MED15: variants seen among roughly 807,000 people sequenced by gnomAD.
MED15 encodes mediator complex subunit 15, also known as mediator of RNA polymerase II transcription subunit 15.
In MED15, 41 loss-of-function variants were observed where a neutral mutation model predicts 118.7. The observed-to-expected ratio is 0.35, with a 90% CI of 0.27 to 0.45. The LOEUF (loss-of-function observed/expected upper bound fraction) is 0.45, where lower values mean the gene tolerates loss of function less well. MED15 is among the 20% of genes least tolerant of loss of function. MED15 has a pLI of 1.00. For missense variants in MED15, 740 were observed against 1,025.5 expected (o/e 0.72, Z 3.80); for synonymous variants, 436 against 413.9 (o/e 1.05, Z -0.65).
intron 2 of MED15, among the ~76,000 whole-genome samples, chr22:20,538,442 G>A (rs1371935952): frequency 6.6e-6 from 1 of 151,992 alleles, no homozygotes; most frequent in Non-Finnish European, 1.5e-5. Context: ...TGGAGACGAG[G>A]TCCCACTATG....
At chr22:20,556,302 G>GT (rs361842) in intron 5 of MED15, among the ~76,000 whole-genome samples, 9,542 of 140,008 alleles carry the variant, frequency 0.068, 620 homozygotes, top group East Asian at 0.37. Flanking sequence ...GACTTCATCA[G>GT]TTTTTTTTTT....
intron 5 of MED15, among the ~76,000 whole-genome samples, chr22:20,556,393 C>G (rs2056008078): frequency 6.6e-6 from 1 of 151,368 alleles, no homozygotes; most frequent in Admixed American, 6.6e-5. Flanking sequence ...CTTCTGCCTT[C>G]CGAGTTCAAG....
Position 20,564,569 on chromosome 22 carries a change from G to C in MED15, c.571G>C (p.Ala191Pro). 1 of 1,606,768 alleles carries C rather than the reference G, an allele frequency of 6.2e-7. No individual in the cohort carries two copies. The highest frequency in any genetic ancestry group is 8.5e-7 in the Non-Finnish European group (1 of 1,174,866). ...QQQQQQQQFQ[A>P]QQSAMQQQFQ... The stretch of plus-strand genomic sequence containing the variant: ...GCAGCAGCAACAGCAGCAGTTCCAG[G>C]CTCAGCAGAGTGCCATGCAGCAGCA... Residue 191 changes from alanine (A) to proline (P), a missense_variant, in exon 6 of 18, where the codon GCT becomes CCT. Coordinates refer to ENST00000263205, the MANE Select transcript of MED15 (RefSeq NM_001003891.3).
chr22:20,525,062 G>A (rs187808120), intron 1 of MED15, among the ~76,000 whole-genome samples: 1 of 152,260 alleles, frequency 6.6e-6, no homozygotes, highest in Non-Finnish European at 1.5e-5. Flanking sequence ...CACTTTGGGA[G>A]GCCAAGGTGG....
chr22:20,566,365 A>G, intron 6 of MED15, 102 bp from the exon 7 acceptor site: 1 of 1,556,452 alleles, frequency 6.4e-7, no homozygotes, highest in Non-Finnish European at 8.7e-7. Flanking sequence ...ATGGCTCTGC[A>G]GATGGCCACC....
intron 4 of MED15, chr22:20,554,197 T>G (rs2055897276): frequency 6.6e-6 from 1 of 152,322 alleles, no homozygotes; most frequent in South Asian, 2.1e-4. Context: ...TCTGGGCCCC[T>G]TGGCATTGGA....
chr22:20,520,192 G>C (rs534635187), intron 1 of MED15, among the ~76,000 whole-genome samples: 2 of 152,316 alleles, frequency 1.3e-5, no homozygotes, highest in African/African-American at 4.8e-5. Context: ...ATGTTGGTGG[G>C]CTCTGGGGGC....
chr22:20,509,603 G>T (rs2053994978), intron 1 of MED15, among the ~76,000 whole-genome samples: 1 of 152,018 alleles, frequency 6.6e-6, no homozygotes, highest in African/African-American at 2.4e-5. Flanking sequence ...GTGGGGTGAA[G>T]CATTGTGGAA....
rs2057161438 is a variant in MED15, at chr22:20,587,236, G to A, written c.*532G>A. ...GGGCACAGGCTGCCTTTTGGAGGGAGGGCTGGCCCATAGGTGCTGCTGGCT... is the reference window on the plus strand; with the variant it reads ...GGGCACAGGCTGCCTTTTGGAGGGAAGGCTGGCCCATAGGTGCTGCTGGCT... On this transcript the variant is annotated 3_prime_UTR_variant, in exon 18 of 18. Coordinates refer to ENST00000263205, the MANE Select transcript of MED15 (RefSeq NM_001003891.3). 1.3e-5 allele frequency: 2 copies of A among 158,824 alleles called. No individual in the cohort carries two copies. The highest frequency in any genetic ancestry group is 3.7e-4 in the South Asian group (2 of 5,346). The allele number at this position is 158,824 out of a possible 1,614,324, so 9.8% of individuals were successfully genotyped here.
chr22:20,530,441 CTG>C (rs1343422356), intron 1 of MED15, among the ~76,000 whole-genome samples: 1 of 152,176 alleles, frequency 6.6e-6, no homozygotes, highest in African/African-American at 2.4e-5. Context: ...GAGGGTGAAT[CTG>C]TGCCCCAGGG....
intron 5 of MED15, among the ~76,000 whole-genome samples, 154 bp downstream of exon 5, chr22:20,555,302 A>G (rs2055952157): frequency 6.6e-6 from 1 of 152,196 alleles, no homozygotes; most frequent in Non-Finnish European, 1.5e-5. Flanking sequence ...TGTGGAGAGA[A>G]AAGGCTTCCA....
intron 4 of MED15, 31 bp from the exon 5 acceptor site, chr22:20,554,905 C>A: frequency 6.4e-7 from 1 of 1,569,136 alleles, no homozygotes; most frequent in Non-Finnish European, 8.6e-7. Flanking sequence ...TAGGCCCTTT[C>A]CTGAGAAGCT....
At position 20,565,085 on chromosome 22, in the gene MED15, G is replaced by A. The variant is rs184789954; in HGVS notation, c.690+397G>A. ...GGTTGCAGTGAGCCGAGATCGCGCC[G>A]CTGCGCTCCAGCCTGGGCAGCAGTG... On this transcript the variant is annotated intron_variant, in intron 6 of 17. Transcript: ENST00000263205. Among the ~76,000 whole-genome samples the A allele has an allele frequency of 2.8e-4, 42 of 152,238 alleles. No homozygotes were observed. In the East Asian group the frequency reaches 5.4e-3, roughly 20 times the overall value.
intron 1 of MED15, among the ~76,000 whole-genome samples, chr22:20,519,424 T>C (rs1030429693): frequency 2.0e-5 from 3 of 150,760 alleles, no homozygotes; most frequent in Admixed American, 2.0e-4. Flanking sequence ...CCATGTCTCC[T>C]TATTTTGAGG....
rs2057162167 is a variant in MED15, at chr22:20,587,262, C to T, written c.*558C>T. 1 of 157,046 alleles carries T rather than the reference C, an allele frequency of 6.4e-6. No individual in the cohort carries two copies. The highest frequency in any genetic ancestry group is 1.4e-5 in the Non-Finnish European group (1 of 70,832). 9.7% of individuals were successfully genotyped at this position (157,046 alleles called of 1,614,324 possible). Reference sequence around the variant, plus strand: ...GGCTGGCCCATAGGTGCTGCTGGCTCCCCGCCACCAGCTGGGCCTCAGCCC... The same window carrying T: ...GGCTGGCCCATAGGTGCTGCTGGCTTCCCGCCACCAGCTGGGCCTCAGCCC... On this transcript the variant is annotated 3_prime_UTR_variant, in exon 18 of 18. Coordinates refer to ENST00000263205, the MANE Select transcript of MED15 (RefSeq NM_001003891.3).
chr22:20,523,581 C>A, intron 1 of MED15: 1 of 898,228 alleles, frequency 1.1e-6, no homozygotes, highest in Non-Finnish European at 1.3e-6. Context: ...CTTCCCCACC[C>A]CCACCAAATA....
chr22:20,582,466 G>C (rs2146673141), intron 9 of MED15, 145 bp from the exon 10 acceptor site: 1 of 1,296,822 alleles, frequency 7.7e-7, no homozygotes, highest in East Asian at 2.6e-5. Context: ...GTGCCTGTGT[G>C]TATGTCCAGG....
chr22:20,555,249 T>C, intron 5 of MED15, 101 bp downstream of exon 5: 2 of 1,217,370 alleles, frequency 1.6e-6, no homozygotes, highest in Non-Finnish European at 2.2e-6. Context: ...ATGGAGAAGC[T>C]CCAAATCGCT....
Position 20,564,580 on chromosome 22 carries a change from T to C in MED15, c.582T>C (p.Ser194=). The C allele has an allele frequency of 1.2e-6, 2 of 1,607,182 alleles. No homozygotes were observed. The highest frequency in any genetic ancestry group is 2.2e-5 in the East Asian group (1 of 44,696). Residue 194 remains serine (S), a synonymous_variant, in exon 6 of 18, where the codon AGT becomes AGC. Transcript: ENST00000263205. ...QQQQQFQAQQ[S]AMQQQFQAVV... ...AGCAGCAGTTCCAGGCTCAGCAGAG[T>C]GCCATGCAGCAGCAGTTCCAAGCAG... is the stretch of plus-strand genomic sequence containing the variant.
Sources: gnomAD v4.1 joint callset for allele counts (sites outside exome capture counted in the v4.1 genomes callset) on GRCh38, gnomAD v4.1.1 for gene constraint, MANE v1.5 for transcripts, NCBI Gene and HGNC (gene_info 2026-07-23, HGNC 2026-07-21) for gene names.